Variants in DZIP1 observed in about 807,000 individuals in gnomAD.
DZIP1 encodes cilium assembly protein DZIP1.
A neutral mutation model predicts 107.6 loss-of-function variants in DZIP1; 97 were observed. The ratio of observed to expected loss-of-function variants is 0.90; its 90% CI spans 0.77 to 1.07. DZIP1 has a LOEUF of 1.07. Among genes scored for constraint, DZIP1 ranks in the 50% least tolerant of loss-of-function variants. The probability of loss-of-function intolerance (pLI) is 0.00; values close to 1 mark genes in which losing one functional copy is unlikely to be tolerated. For missense variants in DZIP1, 1,035 were observed against 1,063.6 expected, an observed-to-expected ratio of 0.97 and a Z score of 0.37; for synonymous variants, 390 against 386.4, an observed-to-expected ratio of 1.01 and a Z score of -0.11.
intron 22 of DZIP1, among the ~76,000 whole-genome samples, chr13:95,582,598 C>G (rs1220322616): frequency 1.3e-5 from 2 of 152,182 alleles, no homozygotes; most frequent in Non-Finnish European, 2.9e-5. Flanking sequence ...CACTCCTTCC[C>G]CAGCATTCAG....
chr13:95,623,298 G>A (rs1054625957), intron 8 of DZIP1, among the ~76,000 whole-genome samples: 4 of 152,284 alleles, frequency 2.6e-5, no homozygotes, highest in African/African-American at 7.2e-5. Context: ...ATGGGGGAGC[G>A]CACGTCTCCT....
rs1249496219 is a variant in DZIP1, at chr13:95,586,090, T to C, written c.2265A>G (p.Pro755=). 2 of 1,612,356 alleles carry C rather than the reference T, an allele frequency of 1.2e-6. No homozygotes were observed. Among genetic ancestry groups the C allele is most frequent in the Non-Finnish European group, 1.7e-6 (2 of 1,179,516 alleles). ...TPTEKVEKMF[P]HRKNVNKPVG... is the part of the protein sequence containing the mutation. Reference sequence around the variant, plus strand: ...CTGGTTTGTTCACATTTTTGCGATGTGGAAACATCTTTTCAACTTTTTCAG... The same window carrying C: ...CTGGTTTGTTCACATTTTTGCGATGCGGAAACATCTTTTCAACTTTTTCAG... Residue 755 remains proline, a synonymous_variant, in exon 21 of 23, where the codon CCA becomes CCG. Coordinates refer to ENST00000376829, the MANE Select transcript of DZIP1 (RefSeq NM_198968.4).
Position 95,582,120 on chromosome 13 carries a change from G to A in DZIP1, c.*114C>T. 2.1e-6 allele frequency: 2 copies of A among 940,536 alleles called. No individual in the cohort carries two copies. The highest frequency in any genetic ancestry group is 1.4e-5 in the South Asian group (1 of 70,098). 58.3% of individuals were successfully genotyped at this position (940,536 alleles called of 1,614,324 possible). ...CATTGTTCTTTGAATCAGTCTCTGT[G>A]TTGCTGTGGGAAACACGGTAAGGCA... is the stretch of plus-strand genomic sequence containing the variant. On this transcript the variant is annotated 3_prime_UTR_variant, in exon 23 of 23. Transcript: ENST00000376829.
Position 95,582,006 on chromosome 13 carries a change from A to C in DZIP1, c.*228T>G. The C allele has an allele frequency of 2.5e-6, 1 of 398,936 alleles. No individual in the cohort carries two copies. The highest frequency in any genetic ancestry group is 4.5e-6 in the Non-Finnish European group (1 of 224,362). The allele number at this position is 398,936 out of a possible 1,614,324, so 24.7% of individuals were successfully genotyped here. A position where few individuals can be genotyped will look rare whatever the true frequency, so the allele number is the denominator to read the frequency against. ...CTTCAATGACATGTTATTTTTAAGC[A>C]GCAGCGGAAGTCTTAAACACCTTTA... On this transcript the variant is annotated 3_prime_UTR_variant, in exon 23 of 23. Transcript: ENST00000376829.
intron 22 of DZIP1, 89 bp downstream of exon 22, chr13:95,584,647 C>A: frequency 6.7e-7 from 1 of 1,501,004 alleles, no homozygotes; most frequent in South Asian, 1.5e-5. Context: ...TGATGATATA[C>A]CAGCATAAGT....
rs1364289744 is a variant in DZIP1 at position 95,621,680 on chromosome 13, G to GTGTT, written c.1110+662_1110+663insAACA. On this transcript the variant is annotated intron_variant, in intron 9 of 22. Coordinates refer to ENST00000376829, the MANE Select transcript of DZIP1 (RefSeq NM_198968.4). ...ACCAGTTAGCAGTGTGTGTGTGTGT[G>GTGTT]TGTGTGTGTGTGTGTGTGTGTGTGT... Among the ~76,000 whole-genome samples, 10 of 147,512 alleles carry GTGTT rather than the reference G, an allele frequency of 6.8e-5. No homozygotes were observed. The South Asian group carries it at 2.2e-3, about 32-fold the overall frequency.
At chr13:95,586,233 A>C (rs2044157705) in intron 20 of DZIP1, 97 bp from the exon 21 acceptor site, 2 of 987,338 alleles carry the variant, frequency 2.0e-6, no homozygotes, top group Non-Finnish European at 2.8e-6. Context: ...AAAGAGTCTA[A>C]GCTTTGGAAG....
intron 6 of DZIP1, among the ~76,000 whole-genome samples, chr13:95,632,837 G>T (rs959988781): frequency 1.3e-5 from 2 of 152,000 alleles, no homozygotes; most frequent in Admixed American, 6.6e-5. Context: ...AGTGTTCCTT[G>T]GCCTGTGACA....
intron 10 of DZIP1, 64 bp downstream of exon 10, chr13:95,619,821 A>G: frequency 6.6e-7 from 1 of 1,516,254 alleles, no homozygotes; most frequent in Non-Finnish European, 9.1e-7. Context: ...ATGTTTATTA[A>G]AAAGGAAAGC....
rs1488214028 is a variant in DZIP1 at position 95,632,602 on chromosome 13, A to G, written c.685+632T>C. Among the ~76,000 whole-genome samples, 3 of 152,124 alleles carry G rather than the reference A, an allele frequency of 2.0e-5. No individual in the cohort carries two copies. The East Asian group carries it at 5.8e-4, about 29-fold the overall frequency. ...AGCTAGAAGGGTCATGCTAAGGTACACATTAATTAGATCATGCCCTTCCCC... is the reference window on the plus strand; with the variant it reads ...AGCTAGAAGGGTCATGCTAAGGTACGCATTAATTAGATCATGCCCTTCCCC... On this transcript the variant is annotated intron_variant, in intron 6 of 22. Coordinates refer to ENST00000376829, the MANE Select transcript of DZIP1 (RefSeq NM_198968.4).
chr13:95,627,514 T>G (rs1188060325), intron 7 of DZIP1, among the ~76,000 whole-genome samples: 1 of 152,150 alleles, frequency 6.6e-6, no homozygotes, highest in Non-Finnish European at 1.5e-5. Context: ...TATATACAAA[T>G]GGAAAATAAA....
intron 7 of DZIP1, among the ~76,000 whole-genome samples, chr13:95,626,212 G>T (rs1257368493): frequency 6.6e-6 from 1 of 151,898 alleles, no homozygotes; most frequent in Non-Finnish European, 1.5e-5. Context: ...AAACTCAAAG[G>T]CAGCAGAAAG....
intron 14 of DZIP1, 124 bp downstream of exon 14, chr13:95,605,879 G>A (rs2044756954): frequency 2.1e-6 from 2 of 941,648 alleles, no homozygotes; most frequent in Non-Finnish European, 3.2e-6. Flanking sequence ...TAACTGTTTT[G>A]CAATCACTAA....
In DZIP1 at chr13:95,600,629, T is replaced by TAGATAGACAGACAGACAGAC. The variant is rs147121754; in HGVS notation, c.1478-1206_1478-1205insGTCTGTCTGTCTGTCTATCT. ...ATAGATAGATAGATAGATAGATAGA[T>TAGATAGACAGACAGACAGAC]AGACAGACAGACAGACAGACAGGCT... On this transcript the variant is annotated intron_variant, in intron 14 of 22. Transcript: ENST00000376829. Among the ~76,000 whole-genome samples the TAGATAGACAGACAGACAGAC allele has an allele frequency of 5.8e-3, 850 of 147,428 alleles. 15 individuals are homozygous for TAGATAGACAGACAGACAGAC. Among genetic ancestry groups the TAGATAGACAGACAGACAGAC allele is most frequent in the East Asian group, 0.018 (87 of 4,970 alleles).
At chr13:95,600,629 T>TAGATAGATAGATAGATAGAC (rs147121754) in intron 14 of DZIP1, among the ~76,000 whole-genome samples, 9 of 147,456 alleles carry the variant, frequency 6.1e-5, no homozygotes, top group African/African-American at 1.0e-4. Context: ...GATAGATAGA[T>TAGATAGATAGATAGATAGAC]AGACAGACAG....
rs1156597988 is a variant in DZIP1, at chr13:95,611,443, AC to A, written c.1363+1del. 1.2e-6 allele frequency: 2 copies of A among 1,613,302 alleles called. No homozygotes were observed. The highest frequency in any genetic ancestry group is 8.5e-7 in the Non-Finnish European group (1 of 1,179,304). ...GCCAGTACCGGGATCCCATCCACTTACCTTTGGGTTCACTGATACTGTTTAA... is the reference window on the plus strand; with the variant it reads ...GCCAGTACCGGGATCCCATCCACTTACTTTGGGTTCACTGATACTGTTTAA... On this transcript the variant is annotated splice_donor_variant, in intron 12 of 22. Transcript: ENST00000376829. LOFTEE classifies it high-confidence loss of function.
chr13:95,617,916 G>C (rs201910909), intron 10 of DZIP1: 111 of 517,728 alleles, frequency 2.1e-4, no homozygotes, highest in Middle Eastern at 3.2e-4. Context: ...CGGGGATTGA[G>C]AGAGAAAGGT....
At position 95,609,510 on chromosome 13, in the gene DZIP1, T is replaced by C. The variant is rs1181947009; in HGVS notation, c.1367A>G (p.Asn456Ser). ...PLNSISEPKG[N>S]PLAWQAFESQ... ...TTCAAAAGCCTGCCAGGCTAAAGGA[T>C]TTCCTGAAATGACAGAAAAATAAAT... The change falls in exon 13 of 23, where the codon AAT becomes AGT. Residue 456 changes from asparagine to serine, a missense_variant. Transcript: ENST00000376829. 6.3e-7 allele frequency: 1 copy of C among 1,582,952 alleles called. No homozygotes were observed. Among genetic ancestry groups the C allele is most frequent in the Non-Finnish European group, 8.6e-7 (1 of 1,165,780 alleles).
At chr13:95,589,722 A>C in intron 18 of DZIP1, 81 bp downstream of exon 18, 1 of 1,510,938 alleles carries the variant, frequency 6.6e-7, no homozygotes, top group Non-Finnish European at 8.8e-7. Context: ...CTGTGAAGCC[A>C]CCCAGTCTAT....
Sources: gnomAD v4.1 joint callset for allele counts (sites outside exome capture counted in the v4.1 genomes callset) on GRCh38, gnomAD v4.1.1 for gene constraint, MANE v1.5 for transcripts, NCBI Gene and HGNC (gene_info 2026-07-23, HGNC 2026-07-21) for gene names.